Variants in FGGY observed in about 807,000 individuals in gnomAD.
FGGY encodes the protein FGGY carbohydrate kinase domain-containing protein.
A neutral mutation model predicts 71.3 loss-of-function variants in FGGY; 72 were observed. That is an observed-to-expected ratio of 1.01 (90% confidence interval 0.84 to 1.23). The LOEUF (loss-of-function observed/expected upper bound fraction) is 1.23. FGGY is among the 50% of genes most tolerant of loss of function. FGGY has a pLI of 0.00. For missense variants in FGGY, 668 were observed against 682.3 expected (o/e 0.98, Z 0.23); for synonymous variants, 251 against 250.3 (o/e 1.00, Z -0.02).
intron 5 of FGGY, among the ~76,000 whole-genome samples, chr1:59,400,214 T>C (rs563804495): frequency 6.6e-4 from 101 of 152,380 alleles, no homozygotes; most frequent in African/African-American, 2.4e-3. Flanking sequence ...TGCAGGCCAC[T>C]GCCCCATTTC....
intron 5 of FGGY, among the ~76,000 whole-genome samples, chr1:59,410,055 C>T (rs560902171): frequency 1.7e-4 from 26 of 152,230 alleles, no homozygotes; most frequent in Non-Finnish European, 1.0e-4. Context: ...ACCAGCCGTC[C>T]TTATTAAGAG....
intron 14 of FGGY, among the ~76,000 whole-genome samples, chr1:59,709,245 G>A (rs1296947339): frequency 2.0e-5 from 3 of 152,188 alleles, no homozygotes; most frequent in African/African-American, 7.2e-5. Flanking sequence ...AGGTAAAGGG[G>A]AAGCAGGCAC....
In FGGY at chr1:59,467,495, A is replaced by C. The variant is rs539614925; in HGVS notation, c.670+10419A>C. 8.5e-4 allele frequency among the ~76,000 whole-genome samples: 128 copies of C among 150,644 alleles called. 4 individuals are homozygous for C. The South Asian group carries it at 0.025, about 30-fold the overall frequency. On this transcript the variant is annotated intron_variant, in intron 6 of 15. Transcript: ENST00000303721. ...ACATGTACCTTAGAACTTAAAGTAT[A>C]ATAAAAAAAAAACATACAAACCTAT...
At chr1:59,656,419 G>T (rs572525608) in intron 11 of FGGY, among the ~76,000 whole-genome samples, 2 of 152,258 alleles carry the variant, frequency 1.3e-5, no homozygotes, top group Admixed American at 1.3e-4. Context: ...ACAGCTCCCC[G>T]AGGGTCCTTT....
At chr1:59,452,500 A>G (rs965585496) in intron 5 of FGGY, among the ~76,000 whole-genome samples, 2 of 152,082 alleles carry the variant, frequency 1.3e-5, no homozygotes, top group Admixed American at 6.6e-5. Flanking sequence ...AGATTCTACC[A>G]TATTTTTCAT....
At chr1:59,700,140 T>C (rs1001235730) in intron 14 of FGGY, among the ~76,000 whole-genome samples, 2 of 152,240 alleles carry the variant, frequency 1.3e-5, no homozygotes, top group Admixed American at 6.5e-5. Flanking sequence ...AAAACTGTTT[T>C]TGTACTACAT....
At chr1:59,664,779 A>G (rs1402958834) in intron 12 of FGGY, among the ~76,000 whole-genome samples, 2 of 152,246 alleles carry the variant, frequency 1.3e-5, no homozygotes, top group African/African-American at 2.4e-5. Context: ...GGACACTTCT[A>G]CAAGTTTTAC....
chr1:59,655,855 G>T (rs572636603), intron 11 of FGGY, among the ~76,000 whole-genome samples: 2 of 152,258 alleles, frequency 1.3e-5, no homozygotes, highest in African/African-American at 2.4e-5. Context: ...GCTCATAGAT[G>T]TTACAAAATT....
intron 6 of FGGY, among the ~76,000 whole-genome samples, chr1:59,460,430 C>T (rs2092088630): frequency 6.6e-6 from 1 of 152,210 alleles, no homozygotes; most frequent in South Asian, 2.1e-4. Context: ...CACCACAGCT[C>T]ATCTAGGCCT....
chr1:59,609,871 T>C (rs2096657490), intron 9 of FGGY, among the ~76,000 whole-genome samples: 1 of 152,174 alleles, frequency 6.6e-6, no homozygotes, highest in Non-Finnish European at 1.5e-5. Context: ...TTAAATGAAT[T>C]GGACCTCATC....
intron 9 of FGGY, among the ~76,000 whole-genome samples, chr1:59,611,138 CCTGT>C (rs928725227): frequency 3.3e-5 from 5 of 152,288 alleles, no homozygotes; most frequent in African/African-American, 1.2e-4. Flanking sequence ...CTTAAACGTC[CCTGT>C]CTGACAGCTT....
chr1:59,373,903 T>C (rs896494316), intron 4 of FGGY, among the ~76,000 whole-genome samples: 3 of 152,116 alleles, frequency 2.0e-5, no homozygotes, highest in Non-Finnish European at 4.4e-5. Context: ...AAAAATTAAT[T>C]CAAGATGGAT....
intron 11 of FGGY, among the ~76,000 whole-genome samples, chr1:59,646,794 T>C (rs2097099162): frequency 6.6e-6 from 1 of 152,112 alleles, no homozygotes; most frequent in Non-Finnish European, 1.5e-5. Context: ...GAAAAGGGTA[T>C]AAGTGGAACG....
intron 9 of FGGY, among the ~76,000 whole-genome samples, chr1:59,618,086 A>C (rs1158200071): frequency 6.6e-6 from 1 of 152,088 alleles, no homozygotes; most frequent in Non-Finnish European, 1.5e-5. Context: ...AGATTTCCTG[A>C]GTGATTCCAC....
At chr1:59,394,742 T>C (rs1002627100) in intron 5 of FGGY, among the ~76,000 whole-genome samples, 1 of 152,186 alleles carries the variant, frequency 6.6e-6, no homozygotes, top group Admixed American at 6.5e-5. Flanking sequence ...ACTATCACTT[T>C]ACATATTTAT....
At chr1:59,425,433 G>A (rs763670069) in intron 5 of FGGY, among the ~76,000 whole-genome samples, 9 of 151,954 alleles carry the variant, frequency 5.9e-5, no homozygotes, top group East Asian at 1.9e-4. Flanking sequence ...TATAGATCTC[G>A]CCCTTCCCAT....
At chr1:59,507,333 A>G (rs1208624422) in intron 6 of FGGY, among the ~76,000 whole-genome samples, 3 of 152,210 alleles carry the variant, frequency 2.0e-5, no homozygotes, top group Non-Finnish European at 4.4e-5. Flanking sequence ...AGTTACAGTC[A>G]CTGTGTATGA....
intron 11 of FGGY, among the ~76,000 whole-genome samples, chr1:59,646,793 A>G (rs374336071): frequency 1.3e-5 from 2 of 152,186 alleles, no homozygotes; most frequent in African/African-American, 4.8e-5. Context: ...AGAAAAGGGT[A>G]TAAGTGGAAC....
chr1:59,638,221 C>T lies in FGGY; in HGVS notation c.1074-7C>T. 3.7e-6 allele frequency: 6 copies of T among 1,611,950 alleles called. No homozygotes were observed. The highest frequency in any genetic ancestry group is 5.1e-6 in the Non-Finnish European group (6 of 1,178,956). On this transcript the variant is annotated splice_polypyrimidine_tract_variant and splice_region_variant and intron_variant, in intron 10 of 15. Coordinates refer to ENST00000303721, the MANE Select transcript of FGGY (RefSeq NM_018291.5). ...CCCTTTAAAAATAAAATTCACTTCTCTTCCAGATGCCAGAGTATATATGCA... is the reference window on the plus strand; with the variant it reads ...CCCTTTAAAAATAAAATTCACTTCTTTTCCAGATGCCAGAGTATATATGCA...
Sources: gnomAD v4.1 joint callset for allele counts (sites outside exome capture counted in the v4.1 genomes callset) on GRCh38, gnomAD v4.1.1 for gene constraint, MANE v1.5 for transcripts, NCBI Gene and HGNC (gene_info 2026-07-23, HGNC 2026-07-21) for gene names.